CSMD1: variants seen among roughly 807,000 people sequenced by gnomAD.
CSMD1 encodes CUB and sushi domain-containing protein 1.
CSMD1 carries 213 observed loss-of-function variants against 417.5 expected under a neutral mutation model. The observed-to-expected ratio is 0.51, with a 90% confidence interval of 0.46 to 0.57. The LOEUF (loss-of-function observed/expected upper bound fraction) is 0.57, where lower values mean the gene tolerates loss of function less well. CSMD1 is among the 20% of genes least tolerant of loss of function. CSMD1 has a pLI of 0.00. For missense variants in CSMD1, 6,923 were observed against 4,529.7 expected, an observed-to-expected ratio of 1.53 and a Z score of -15.17; for synonymous variants, 2,862 against 1,736.8, an observed-to-expected ratio of 1.65 and a Z score of -16.11.
At chr8:3,414,005 G>A (rs1225885526) in intron 12 of CSMD1, among the ~76,000 whole-genome samples, 3 of 151,672 alleles carry the variant, frequency 2.0e-5, no homozygotes, top group Admixed American at 6.6e-5. Flanking sequence ...CGGGAATGGT[G>A]GTGCACGCCT....
At chr8:4,288,993 AAC>A (rs1797213117) in intron 3 of CSMD1, among the ~76,000 whole-genome samples, 1 of 152,192 alleles carries the variant, frequency 6.6e-6, no homozygotes, top group African/African-American at 2.4e-5. Context: ...ATAATTTAAA[AAC>A]ACAGCACCAT....
chr8:3,465,138 TG>T (rs1779056275), intron 12 of CSMD1, among the ~76,000 whole-genome samples: 1 of 152,174 alleles, frequency 6.6e-6, no homozygotes, highest in African/African-American at 2.4e-5. Context: ...TGTTTGCTGC[TG>T]GGGCCTCACC....
intron 3 of CSMD1, among the ~76,000 whole-genome samples, chr8:4,147,038 T>C (rs926852365): frequency 2.0e-5 from 3 of 151,944 alleles, no homozygotes; most frequent in African/African-American, 7.3e-5. Flanking sequence ...TCGGGGGTTT[T>C]CTGGGCTTTT....
intron 1 of CSMD1, among the ~76,000 whole-genome samples, chr8:4,955,501 G>C (rs569952313): frequency 6.6e-6 from 1 of 151,516 alleles, no homozygotes; most frequent in African/African-American, 2.4e-5. Flanking sequence ...TGTCACCCAG[G>C]CTGGAGTGCA....
At chr8:3,275,149 G>A (rs1244617951) in intron 26 of CSMD1, among the ~76,000 whole-genome samples, 2 of 152,090 alleles carry the variant, frequency 1.3e-5, no homozygotes, top group East Asian at 3.9e-4. Flanking sequence ...CTCAGCATTT[G>A]CTTGTCTGTA....
chr8:4,794,176 G>A (rs1250091033), intron 1 of CSMD1, among the ~76,000 whole-genome samples: 1 of 151,980 alleles, frequency 6.6e-6, no homozygotes, highest in Non-Finnish European at 1.5e-5. Context: ...CTCTTCAATT[G>A]TTAAATATAT....
chr8:4,319,687 T>C (rs1585224012), intron 3 of CSMD1, among the ~76,000 whole-genome samples: 1 of 151,876 alleles, frequency 6.6e-6, no homozygotes, highest in African/African-American at 2.4e-5. Flanking sequence ...AGGGAAGCAA[T>C]CCAAGCAGAA....
In CSMD1 at chr8:4,079,325, G is replaced by A. The variant is rs373792497; in HGVS notation, c.416-47226C>T. Among the ~76,000 whole-genome samples, 48 of 152,252 alleles carry A rather than the reference G, an allele frequency of 3.2e-4. No homozygotes were observed. The East Asian group carries it at 4.1e-3, about 13-fold the overall frequency. ...AACAAATTGTGACTAGGCAATGTCT[G>A]CATCCCTTGGAACGAAATATACTTT... is the stretch of plus-strand genomic sequence containing the variant. On this transcript the variant is annotated intron_variant, in intron 3 of 69. Coordinates refer to ENST00000635120, the MANE Select transcript of CSMD1 (RefSeq NM_033225.6).
intron 26 of CSMD1, among the ~76,000 whole-genome samples, chr8:3,233,409 G>T (rs1004338239): frequency 1.3e-5 from 2 of 152,138 alleles, no homozygotes; most frequent in Admixed American, 1.3e-4. Flanking sequence ...GTGGTCCCTC[G>T]ACCTTGGACT....
intron 6 of CSMD1, 100 bp from the exon 7 acceptor site, chr8:3,708,591 A>C: frequency 1.1e-6 from 1 of 894,586 alleles, no homozygotes; most frequent in Non-Finnish European, 1.8e-6. Context: ...CTTTCTATCA[A>C]CCCCCGAAAA....
chr8:4,331,384 G>A (rs183006259), intron 3 of CSMD1, among the ~76,000 whole-genome samples: 3 of 152,100 alleles, frequency 2.0e-5, no homozygotes, highest in African/African-American at 7.2e-5. Flanking sequence ...TTTGTTGCGA[G>A]GTGTCTACAG....
chr8:4,701,500 G>A (rs1373951090), intron 1 of CSMD1, among the ~76,000 whole-genome samples: 2 of 151,946 alleles, frequency 1.3e-5, no homozygotes, highest in African/African-American at 4.8e-5. Context: ...AGAACACCCA[G>A]GCCGCCTCCC....
chr8:4,743,031 T>C (rs532889014), intron 1 of CSMD1, among the ~76,000 whole-genome samples: 87 of 152,344 alleles, frequency 5.7e-4, no homozygotes, highest in African/African-American at 1.9e-3. Context: ...ACAGCTATTT[T>C]CTAAGTGTTT....
In CSMD1 at chr8:3,110,240, T is replaced by G; in HGVS notation, c.6526A>C (p.Ile2176Leu). The stretch of plus-strand genomic sequence containing the variant: ...ACTCCGTGCCCTGGAGGCACCGTGA[T>G]GAGCCAAATGCAGTCCTTCAGGATC... ...YPILKDCIWL[I>L]TVPPGHGVYI... is the part of the protein sequence containing the mutation. Residue 2176 changes from isoleucine (I) to leucine (L), a missense_variant, in exon 43 of 70, where the codon ATC (isoleucine) becomes CTC (leucine). Coordinates refer to ENST00000635120, the MANE Select transcript of CSMD1 (RefSeq NM_033225.6). 8.7e-6 allele frequency: 14 copies of G among 1,613,410 alleles called. No homozygotes were observed. The highest frequency in any genetic ancestry group is 1.2e-5 in the Non-Finnish European group (14 of 1,179,692).
intron 2 of CSMD1, among the ~76,000 whole-genome samples, chr8:4,543,007 A>G (rs534081456): frequency 6.6e-6 from 1 of 152,214 alleles, no homozygotes; most frequent in Non-Finnish European, 1.5e-5. Flanking sequence ...TCTATATTTT[A>G]GAGTAGGTTT....
intron 5 of CSMD1, among the ~76,000 whole-genome samples, chr8:3,991,505 T>C (rs887481925): frequency 4.6e-5 from 7 of 152,204 alleles, no homozygotes; most frequent in Non-Finnish European, 8.8e-5. Context: ...CCCAGAAATA[T>C]GCTCAACAAG....
chr8:3,877,327 T>A (rs2975349), intron 5 of CSMD1, among the ~76,000 whole-genome samples: 3 of 152,086 alleles, frequency 2.0e-5, no homozygotes, highest in South Asian at 4.2e-4. Context: ...GGTGTCCAGC[T>A]GTGTCCATGA....
chr8:3,719,892 G>C (rs982323785), intron 6 of CSMD1, among the ~76,000 whole-genome samples: 3 of 152,142 alleles, frequency 2.0e-5, no homozygotes, highest in Non-Finnish European at 4.4e-5. Flanking sequence ...ACTCATTAGA[G>C]ATGTCACCTT....
At chr8:4,336,500 T>A (rs1266156704) in intron 3 of CSMD1, among the ~76,000 whole-genome samples, 1 of 152,148 alleles carries the variant, frequency 6.6e-6, no homozygotes, top group East Asian at 1.9e-4. Context: ...CAGATACAAC[T>A]ACATGGTGCC....
Sources: allele counts gnomAD v4.1 joint callset (sites outside exome capture counted in the v4.1 genomes callset), GRCh38; gene constraint gnomAD v4.1.1; transcripts MANE v1.5; gene names NCBI Gene and HGNC (gene_info 2026-07-23, HGNC 2026-07-21).